Variants in HTR2C observed in about 807,000 individuals in gnomAD.
The protein encoded by HTR2C is 5-hydroxytryptamine (serotonin) receptor 2C, G protein-coupled.
In HTR2C, 5 loss-of-function variants were observed where a neutral mutation model predicts 21.0. The observed-to-expected ratio is 0.24, with a 90% CI of 0.12 to 0.50. The LOEUF is 0.50. HTR2C is among the 20% of genes least tolerant of loss of function. The pLI, the probability that HTR2C is intolerant of heterozygous loss-of-function variation, is 0.98. For synonymous variants in HTR2C, 150 were observed against 145.3 expected, an observed-to-expected ratio of 1.03 and a Z score of -0.23; for missense variants, 271 against 371.2, an observed-to-expected ratio of 0.73 and a Z score of 2.22.
chrX:114,741,472 G>C (rs1179560488), intron 4 of HTR2C, among the ~76,000 whole-genome samples: 1 of 86,450 alleles, frequency 1.2e-5, no homozygotes, highest in Non-Finnish European at 2.2e-5. Context: ...GCCAAGAGCT[G>C]AGATTGCACC....
At chrX:114,876,832 G>A (rs1389549294) in intron 5 of HTR2C, among the ~76,000 whole-genome samples, 3 of 81,294 alleles carry the variant, frequency 3.7e-5, no homozygotes, top group African/African-American at 1.3e-4. Context: ...GTTGAATTCA[G>A]TATGCTATTT....
rs150633766 is a variant in HTR2C at position 114,871,449 on chromosome X, G to A, written c.550+23246G>A. Among the ~76,000 whole-genome samples, 756 of 111,628 alleles carry A rather than the reference G, an allele frequency of 6.8e-3. 8 individuals carry two copies. Among genetic ancestry groups the A allele is most frequent in the African/African-American group, 0.023 (719 of 30,778 alleles). Reference sequence around the variant, plus strand: ...ATCTATTAGGTCCATTTGGTCTGTAGAACAGATTAAGTCTTATGTTTCTGT... The same window carrying A: ...ATCTATTAGGTCCATTTGGTCTGTAAAACAGATTAAGTCTTATGTTTCTGT... On this transcript the variant is annotated intron_variant, in intron 5 of 5. Transcript: ENST00000276198.
At chrX:114,769,489 A>G (rs2069978639) in intron 4 of HTR2C, among the ~76,000 whole-genome samples, 1 of 111,071 alleles carries the variant, frequency 9.0e-6, no homozygotes, top group Non-Finnish European at 1.9e-5. Context: ...CTTATACCAT[A>G]AAATTCACCC....
At chrX:114,865,497 G>A (rs1438333418) in intron 5 of HTR2C, among the ~76,000 whole-genome samples, 1 of 111,499 alleles carries the variant, frequency 9.0e-6, no homozygotes, top group Non-Finnish European at 1.9e-5. Flanking sequence ...ATTCCCACTA[G>A]CAGTATGTAA....
At chrX:114,617,865 A>G (rs782077061) in intron 2 of HTR2C, among the ~76,000 whole-genome samples, 15 of 112,099 alleles carry the variant, frequency 1.3e-4, no homozygotes, top group East Asian at 2.8e-4. Flanking sequence ...TATACATTCA[A>G]TAATATATTC....
intron 2 of HTR2C, among the ~76,000 whole-genome samples, chrX:114,681,881 A>G (rs1569483638): frequency 9.0e-6 from 1 of 111,314 alleles, no homozygotes; most frequent in African/African-American, 3.3e-5. Flanking sequence ...TCCCCTTTCC[A>G]TAAACATGAG....
intron 5 of HTR2C, among the ~76,000 whole-genome samples, chrX:114,875,513 GT>G (rs1350903338): frequency 9.1e-6 from 1 of 110,160 alleles, no homozygotes; most frequent in Non-Finnish European, 1.9e-5. Context: ...TTTTCCCTAT[GT>G]TTTTTTCAAA....
intron 4 of HTR2C, among the ~76,000 whole-genome samples, chrX:114,803,934 T>G (rs1252869219): frequency 4.5e-5 from 5 of 112,072 alleles, no homozygotes; most frequent in Admixed American, 2.9e-4. Flanking sequence ...CTTATTCACC[T>G]GCCTTTTCAA....
At chrX:114,812,804 G>T (rs2070548225) in intron 4 of HTR2C, among the ~76,000 whole-genome samples, 1 of 110,833 alleles carries the variant, frequency 9.0e-6, no homozygotes, top group Non-Finnish European at 1.9e-5. Flanking sequence ...AAATAACCTG[G>T]TAGTGAATTG....
At chrX:114,864,075 T>C (rs1344911614) in intron 5 of HTR2C, among the ~76,000 whole-genome samples, 1 of 110,388 alleles carries the variant, frequency 9.1e-6, no homozygotes, top group Non-Finnish European at 1.9e-5. Context: ...CTCTTTTTTT[T>C]TTTTTCCACT....
chrX:114,903,714 T>A (rs1167725592), intron 5 of HTR2C, among the ~76,000 whole-genome samples: 2 of 112,547 alleles, frequency 1.8e-5, no homozygotes, highest in Non-Finnish European at 3.7e-5. Context: ...ACCAATCTCA[T>A]GGCCTGTGTG....
intron 2 of HTR2C, among the ~76,000 whole-genome samples, chrX:114,693,812 A>G (rs1370084331): frequency 8.9e-6 from 1 of 112,054 alleles, no homozygotes; most frequent in Non-Finnish European, 1.9e-5. Flanking sequence ...CCACAAAATG[A>G]ACGTCATGGG....
At chrX:114,689,632 A>G (rs1473351949) in intron 2 of HTR2C, among the ~76,000 whole-genome samples, 3 of 110,525 alleles carry the variant, frequency 2.7e-5, no homozygotes, top group Admixed American at 1.9e-4. Flanking sequence ...TTTTTTTCAT[A>G]TGCCAGACAA....
chrX:114,617,093 T>A (rs1196768928), intron 2 of HTR2C, among the ~76,000 whole-genome samples: 1 of 112,323 alleles, frequency 8.9e-6, no homozygotes, highest in Non-Finnish European at 1.9e-5. Flanking sequence ...GATACAGAAC[T>A]GAGTTATCTA....
intron 4 of HTR2C, among the ~76,000 whole-genome samples, chrX:114,823,976 G>C (rs1393001057): frequency 8.9e-6 from 1 of 111,860 alleles, no homozygotes; most frequent in Non-Finnish European, 1.9e-5. Flanking sequence ...AAGCAGCCTA[G>C]AATTTCAAGT....
At chrX:114,769,835 G>A (rs1556436602) in intron 4 of HTR2C, among the ~76,000 whole-genome samples, 1 of 111,469 alleles carries the variant, frequency 9.0e-6, no homozygotes, top group African/African-American at 3.2e-5. Flanking sequence ...TTTCATTCAT[G>A]TGGATTCAAG....
At chrX:114,669,081 C>T (rs1315765996) in intron 2 of HTR2C, among the ~76,000 whole-genome samples, 1 of 110,351 alleles carries the variant, frequency 9.1e-6, no homozygotes, top group African/African-American at 3.3e-5. Flanking sequence ...ATATGTTCTA[C>T]ACTTGTGTCA....
At chrX:114,645,382 A>G (rs782749348) in intron 2 of HTR2C, among the ~76,000 whole-genome samples, 22 of 111,003 alleles carry the variant, frequency 2.0e-4, no homozygotes, top group Middle Eastern at 9.3e-3. Context: ...GAGAAAATGT[A>G]GTGGACATGC....
chrX:114,824,743 C>G (rs1305086104), intron 4 of HTR2C, among the ~76,000 whole-genome samples: 1 of 111,982 alleles, frequency 8.9e-6, no homozygotes, highest in Admixed American at 9.5e-5. Flanking sequence ...GGTAAGTGGG[C>G]CAATCTTAGG....
Sources: gnomAD v4.1 joint callset for allele counts (sites outside exome capture counted in the v4.1 genomes callset) on GRCh38, gnomAD v4.1.1 for gene constraint, MANE v1.5 for transcripts, NCBI Gene and HGNC (gene_info 2026-07-23, HGNC 2026-07-21) for gene names.